The following OR8K1 variants were observed in gnomAD, a reference collection of about 807,000 sequenced individuals.
The protein encoded by OR8K1 is olfactory receptor 8K1.
For synonymous variants in OR8K1, 157 were observed against 139.4 expected, an observed-to-expected ratio of 1.13 and a Z score of -0.89; for missense variants, 417 against 374.0, an observed-to-expected ratio of 1.11 and a Z score of -0.95.
rs143549659 is a variant in OR8K1, at chr11:56,346,312, A to T, written c.274A>T (p.Ile92Leu). The change falls in exon 1 of 1, where the codon ATA becomes TTA. Residue 92 changes from isoleucine to leucine, a missense_variant. By Grantham distance (5) the Ile-to-Leu change is conservative (BLOSUM62 2). Coordinates refer to ENST00000279783, the MANE Select transcript of OR8K1 (RefSeq NM_001002907.1). The part of the protein sequence containing the change: ...VIAPKMLVNF[I>L]VHKNTISYNW... ...TGCCCCGAAGATGTTAGTAAACTTC[A>T]TAGTGCACAAAAACACAATTTCTTA... is the stretch of plus-strand genomic sequence containing the variant. 5.1e-5 allele frequency: 83 copies of T among 1,614,196 alleles called. No homozygotes were observed. The African/African-American group carries it at 1.0e-3, about 20-fold the overall frequency.
chr11:56,346,117 C>A lies in OR8K1; in HGVS notation c.79C>A (p.Pro27Thr), dbSNP rs10896272. 630,021 of 1,611,756 alleles carry A rather than the reference C, an allele frequency of 0.39. 129,460 individuals carry two copies. The highest frequency in any genetic ancestry group is 0.66 in the East Asian group (29,611 of 44,836). The stretch of plus-strand genomic sequence containing the variant: ...TATTCTCATGGGGATTACAGACAAC[C>A]CTGGGCTGCAGGCTCCACTGTTTGG... The part of the protein sequence containing the change: ...EFILMGITDN[P>T]GLQAPLFGLF... The change falls in exon 1 of 1, where the codon CCT (proline) becomes ACT (threonine). Residue 27 changes from proline (P) to threonine (T), a missense_variant. By Grantham distance (38) the Pro-to-Thr change is conservative. Transcript: ENST00000279783.
In OR8K1 at chr11:56,346,804, A is replaced by G; in HGVS notation, c.766A>G (p.Met256Val). ...TAGCTCTCATCTGACAGTGGTGATC[A>G]TGTTCTATGGGACATTGTTATTTAT... ...TCSSHLTVVIMFYGTLLFIYL... is the reference protein window; with the variant it reads ...TCSSHLTVVIVFYGTLLFIYL... The change falls in exon 1 of 1, where the codon ATG becomes GTG. Residue 256 changes from methionine (M) to valine (V), a missense_variant. Met to Val is a conservative substitution (Grantham distance 21). Coordinates refer to ENST00000279783, the MANE Select transcript of OR8K1 (RefSeq NM_001002907.1). 2.5e-6 allele frequency: 4 copies of G among 1,613,932 alleles called. No individual in the cohort carries two copies. Among genetic ancestry groups the G allele is most frequent in the Admixed American group, 1.7e-5 (1 of 60,006 alleles).
In OR8K1 at chr11:56,346,566, C is replaced by A. The variant is rs754950328; in HGVS notation, c.528C>A (p.Gly176=). 6.2e-7 allele frequency: 1 copy of A among 1,613,688 alleles called. No homozygotes were observed. Among genetic ancestry groups the A allele is most frequent in the Non-Finnish European group, 8.5e-7 (1 of 1,179,710 alleles). ...AGTTATTTAAACTGTCCTTCTGTGG[C>A]TCAAACATAATCAGCTATTTTTACT... ...TIKLFKLSFC[G]SNIISYFYCD... Residue 176 remains glycine (G), a synonymous_variant, in exon 1 of 1, where the codon GGC becomes GGA. Coordinates refer to ENST00000279783, the MANE Select transcript of OR8K1 (RefSeq NM_001002907.1).
rs139415459 is a variant in OR8K1 at position 56,346,309 on chromosome 11, T to A, written c.271T>A (p.Phe91Ile). 5.1e-5 allele frequency: 82 copies of A among 1,614,192 alleles called. No homozygotes were observed. The African/African-American group carries it at 1.0e-3, about 20-fold the overall frequency. ...TVIAPKMLVN[F>I]IVHKNTISYN... Reference sequence around the variant, plus strand: ...CATTGCCCCGAAGATGTTAGTAAACTTCATAGTGCACAAAAACACAATTTC... The same window carrying A: ...CATTGCCCCGAAGATGTTAGTAAACATCATAGTGCACAAAAACACAATTTC... The change falls in exon 1 of 1, where the codon TTC (phenylalanine) becomes ATC (isoleucine). Residue 91 changes from phenylalanine (F) to isoleucine (I), a missense_variant. Transcript: ENST00000279783.
chr11:56,346,890 T>C lies in OR8K1; in HGVS notation c.852T>C (p.Tyr284=). Residue 284 remains tyrosine, a synonymous_variant, in exon 1 of 1, where the codon TAT becomes TAC. Transcript: ENST00000279783. ...LAIDKMASVF[Y]TLLIPMLNPL... ...TTGATAAAATGGCCTCAGTGTTTTA[T>C]ACCCTGTTGATTCCTATGCTGAATC... is the stretch of plus-strand genomic sequence containing the variant. 2.5e-6 allele frequency: 4 copies of C among 1,614,042 alleles called. No individual in the cohort carries two copies. Among genetic ancestry groups the C allele is most frequent in the South Asian group, 1.1e-5 (1 of 91,076 alleles).
In OR8K1 at chr11:56,346,118, C is replaced by A; in HGVS notation, c.80C>A (p.Pro27His). ...ATTCTCATGGGGATTACAGACAACC[C>A]TGGGCTGCAGGCTCCACTGTTTGGA... ...EFILMGITDN[P>H]GLQAPLFGLF... Residue 27 changes from proline (P) to histidine (H), a missense_variant, in exon 1 of 1, where the codon CCT becomes CAT. Coordinates refer to ENST00000279783, the MANE Select transcript of OR8K1 (RefSeq NM_001002907.1). 1 of 1,613,586 alleles carries A rather than the reference C, an allele frequency of 6.2e-7. No individual in the cohort carries two copies. The highest frequency in any genetic ancestry group is 1.1e-5 in the South Asian group (1 of 91,064).
Position 56,346,886 on chromosome 11 carries a change from T to G in OR8K1, c.848T>G (p.Phe283Cys). Residue 283 changes from phenylalanine (F) to cysteine (C), a missense_variant, in exon 1 of 1, where the codon TTT becomes TGT. Transcript: ENST00000279783. ...TLAIDKMASV[F>C]YTLLIPMLNP... ...GCTATTGATAAAATGGCCTCAGTGT[T>G]TTATACCCTGTTGATTCCTATGCTG... is the stretch of plus-strand genomic sequence containing the variant. 6.2e-7 allele frequency: 1 copy of G among 1,614,058 alleles called. No homozygotes were observed. Among genetic ancestry groups the G allele is most frequent in the Non-Finnish European group, 8.5e-7 (1 of 1,179,996 alleles).
Position 56,346,361 on chromosome 11 carries a change from C to CATTCTTTG in OR8K1, c.325_332dup (p.Glu111AspfsTer23). 2 of 1,614,112 alleles carry CATTCTTTG rather than the reference C, an allele frequency of 1.2e-6. No homozygotes were observed. Among genetic ancestry groups the CATTCTTTG allele is most frequent in the Non-Finnish European group, 1.7e-6 (2 of 1,180,014 alleles). ...TACAATTGGTATGCCACTCAGCTAG[C>CATTCTTTG]ATTCTTTGAGATTTTCATCATCTCT... is the stretch of plus-strand genomic sequence containing the variant. On this transcript the variant is annotated frameshift_variant, in exon 1 of 1. Coordinates refer to ENST00000279783, the MANE Select transcript of OR8K1 (RefSeq NM_001002907.1). LOFTEE classifies it low-confidence loss of function (END_TRUNC).
chr11:56,346,779 T>C lies in OR8K1; in HGVS notation c.741T>C (p.Cys247=), dbSNP rs137913365. 2 of 1,614,004 alleles carry C rather than the reference T, an allele frequency of 1.2e-6. No individual in the cohort carries two copies. The highest frequency in any genetic ancestry group is 1.7e-6 in the Non-Finnish European group (2 of 1,179,910). ...GGAGGTACAAAGCCTTCTCCACCTG[T>C]AGCTCTCATCTGACAGTGGTGATCA... The part of the protein sequence containing the change: ...RKGRYKAFST[C]SSHLTVVIMF... The change falls in exon 1 of 1, where the codon TGT becomes TGC. Residue 247 remains cysteine (C), a synonymous_variant. Coordinates refer to ENST00000279783, the MANE Select transcript of OR8K1 (RefSeq NM_001002907.1).
chr11:56,346,862 C>T lies in OR8K1; in HGVS notation c.824C>T (p.Ala275Val). The change falls in exon 1 of 1, where the codon GCT (alanine) becomes GTT (valine). Residue 275 changes from alanine (A) to valine (V), a missense_variant. Physicochemically the swap from Ala to Val is moderately conservative, Grantham distance 64. Coordinates refer to ENST00000279783, the MANE Select transcript of OR8K1 (RefSeq NM_001002907.1). ...YLQPKSSHTL[A>V]IDKMASVFYT... is the part of the protein sequence containing the mutation. Reference sequence around the variant, plus strand: ...CAACCCAAGTCCAGTCATACTTTGGCTATTGATAAAATGGCCTCAGTGTTT... The same window carrying T: ...CAACCCAAGTCCAGTCATACTTTGGTTATTGATAAAATGGCCTCAGTGTTT... 2 of 1,614,044 alleles carry T rather than the reference C, an allele frequency of 1.2e-6. No individual in the cohort carries two copies. The highest frequency in any genetic ancestry group is 1.3e-5 in the African/African-American group (1 of 75,054).
Position 56,346,341 on chromosome 11 carries a change from T to C in OR8K1, c.303T>C (p.Asn101=), listed in dbSNP as rs141147943. 235 of 1,614,116 alleles carry C rather than the reference T, an allele frequency of 1.5e-4. 2 individuals are homozygous for C. The African/African-American group carries it at 2.4e-3, about 16-fold the overall frequency. The change falls in exon 1 of 1, where the codon AAT becomes AAC. Residue 101 remains asparagine, a synonymous_variant. Coordinates refer to ENST00000279783, the MANE Select transcript of OR8K1 (RefSeq NM_001002907.1). ...FIVHKNTISY[N]WYATQLAFFE... ...TGCACAAAAACACAATTTCTTACAA[T>C]TGGTATGCCACTCAGCTAGCATTCT...
Position 56,346,068 on chromosome 11 carries a change from G to C in OR8K1, c.30G>C (p.Thr10=). The C allele has an allele frequency of 3.7e-6, 6 of 1,609,016 alleles. No homozygotes were observed. The highest frequency in any genetic ancestry group is 5.1e-6 in the Non-Finnish European group (6 of 1,176,604). The change falls in exon 1 of 1, where the codon ACG becomes ACC. Residue 10 remains threonine, a synonymous_variant. Transcript: ENST00000279783. ...ATCATGTGGTAAAACACAATCACAC[G>C]GCAGTGACCAAGGTGACTGAATTTA... is the stretch of plus-strand genomic sequence containing the variant. MNHVVKHNH[T]AVTKVTEFIL...
rs756715554 is a variant in OR8K1 at position 56,346,167 on chromosome 11, C to T, written c.129C>T (p.Val43=). Residue 43 remains valine, a synonymous_variant, in exon 1 of 1, where the codon GTC becomes GTT. Coordinates refer to ENST00000279783, the MANE Select transcript of OR8K1 (RefSeq NM_001002907.1). ...LFGLFLIIYL[V]TVIGNLGMVI... The stretch of plus-strand genomic sequence containing the variant: ...GACTCTTCCTCATCATATATCTGGT[C>T]ACAGTGATAGGCAATCTGGGCATGG... 2 of 1,614,120 alleles carry T rather than the reference C, an allele frequency of 1.2e-6. No individual in the cohort carries two copies. The highest frequency in any genetic ancestry group is 1.1e-5 in the South Asian group (1 of 91,076).
rs200838747 is a variant in OR8K1 at position 56,346,045 on chromosome 11, C to T, written c.7C>T (p.His3Tyr). ...AGTTTGCACAGTTACCAAGATGAATCATGTGGTAAAACACAATCACACGGC... is the reference window on the plus strand; with the variant it reads ...AGTTTGCACAGTTACCAAGATGAATTATGTGGTAAAACACAATCACACGGC... MN[H>Y]VVKHNHTAVT... is the part of the protein sequence containing the mutation. Residue 3 changes from histidine to tyrosine, a missense_variant, in exon 1 of 1, where the codon CAT (histidine) becomes TAT (tyrosine). Transcript: ENST00000279783. 24 of 1,586,988 alleles carry T rather than the reference C, an allele frequency of 1.5e-5. No individual in the cohort carries two copies. In the East Asian group the frequency reaches 4.9e-4, roughly 33 times the overall value.
rs770086802 is a variant in OR8K1 at position 56,346,584 on chromosome 11, T to C, written c.546T>C (p.Tyr182=). The part of the protein sequence containing the change: ...LSFCGSNIIS[Y]FYCDCIPLMS... ...TCTGTGGCTCAAACATAATCAGCTA[T>C]TTTTACTGTGACTGTATCCCTCTGA... is the stretch of plus-strand genomic sequence containing the variant. Residue 182 remains tyrosine (Y), a synonymous_variant, in exon 1 of 1, where the codon TAT becomes TAC. Transcript: ENST00000279783. 22 of 1,613,594 alleles carry C rather than the reference T, an allele frequency of 1.4e-5. No homozygotes were observed. The highest frequency in any genetic ancestry group is 6.7e-5 in the African/African-American group (5 of 74,922).
rs1854844399 is a variant in OR8K1 at position 56,346,900 on chromosome 11, A to G, written c.862A>G (p.Ile288Val). The change falls in exon 1 of 1, where the codon ATT (isoleucine) becomes GTT (valine). Residue 288 changes from isoleucine to valine, a missense_variant. Transcript: ENST00000279783. ...GGCCTCAGTGTTTTATACCCTGTTGATTCCTATGCTGAATCCGTTGATCTA... is the reference window on the plus strand; with the variant it reads ...GGCCTCAGTGTTTTATACCCTGTTGGTTCCTATGCTGAATCCGTTGATCTA... ...KMASVFYTLL[I>V]PMLNPLIYSL... 1.2e-6 allele frequency: 2 copies of G among 1,613,882 alleles called. No individual in the cohort carries two copies. The highest frequency in any genetic ancestry group is 1.3e-5 in the African/African-American group (1 of 75,022).
Position 56,346,961 on chromosome 11 carries a change from A to G in OR8K1, c.923A>G (p.Lys308Arg). Residue 308 changes from lysine (K) to arginine (R), a missense_variant, in exon 1 of 1, where the codon AAG becomes AGG. Lys to Arg is a conservative substitution (Grantham distance 26). Coordinates refer to ENST00000279783, the MANE Select transcript of OR8K1 (RefSeq NM_001002907.1). ...LRNKEVKDAL[K>R]RTLTNRFKIP... is the part of the protein sequence containing the mutation. ...AACAAAGAAGTAAAAGATGCTCTAA[A>G]GAGAACTTTAACCAATCGATTCAAA... 1 of 1,604,558 alleles carries G rather than the reference A, an allele frequency of 6.2e-7. No individual in the cohort carries two copies. The highest frequency in any genetic ancestry group is 8.5e-7 in the Non-Finnish European group (1 of 1,175,586).
In OR8K1 at chr11:56,346,682, T is replaced by A. The variant is rs1467451208; in HGVS notation, c.644T>A (p.Phe215Tyr). The change falls in exon 1 of 1, where the codon TTC (phenylalanine) becomes TAC (tyrosine). Residue 215 changes from phenylalanine (F) to tyrosine (Y), a missense_variant. Coordinates refer to ENST00000279783, the MANE Select transcript of OR8K1 (RefSeq NM_001002907.1). ...ATCTTCTCAGGCTGTAATTTGCTCT[T>A]CTCCCTCTCAATTGTTCTCATATCC... ...ILIFSGCNLL[F>Y]SLSIVLISYM... 18 of 1,613,736 alleles carry A rather than the reference T, an allele frequency of 1.1e-5. No homozygotes were observed. Among genetic ancestry groups the A allele is most frequent in the Non-Finnish European group, 1.4e-5 (16 of 1,179,668 alleles).
chr11:56,346,634 A>T lies in OR8K1; in HGVS notation c.596A>T (p.Asn199Ile), dbSNP rs138021274. The T allele has an allele frequency of 1.3e-4, 217 of 1,613,996 alleles. 1 individual carries two copies. In the African/African-American group the frequency reaches 2.5e-3, roughly 19 times the overall value. Residue 199 changes from asparagine to isoleucine, a missense_variant, in exon 1 of 1, where the codon AAT becomes ATT. By Grantham distance (149) the Asn-to-Ile change is moderately radical (BLOSUM62 -3). Coordinates refer to ENST00000279783, the MANE Select transcript of OR8K1 (RefSeq NM_001002907.1). ...PLMSILCSDTNELELIILIFS... is the reference protein window; with the variant it reads ...PLMSILCSDTIELELIILIFS... ...ATGTCCATACTCTGTTCTGACACAA[A>T]TGAATTAGAATTAATAATTTTGATC... is the stretch of plus-strand genomic sequence containing the variant.
Sources: gnomAD v4.1 joint callset for allele counts on GRCh38, gnomAD v4.1.1 for gene constraint, MANE v1.5 for transcripts, NCBI Gene and HGNC (gene_info 2026-07-23, HGNC 2026-07-21) for gene names.